Variants in DPP6 observed in about 807,000 individuals in gnomAD.
DPP6 encodes the protein dipeptidyl peptidase like 6.
A neutral mutation model predicts 122.6 loss-of-function variants in DPP6; 69 were observed. The observed-to-expected ratio is 0.56, with a 90% CI of 0.46 to 0.69. DPP6 has a LOEUF of 0.69. DPP6 is among the 30% of genes least tolerant of loss of function. The pLI is 0.00. For synonymous variants in DPP6, 418 were observed against 433.1 expected (o/e 0.97, Z 0.43); for missense variants, 928 against 1,116.9 (o/e 0.83, Z 2.41).
chr7:154,727,978 T>C, intron 8 of DPP6, 91 bp downstream of exon 8: 6 of 1,498,724 alleles, frequency 4.0e-6, no homozygotes, highest in Non-Finnish European at 5.3e-6. Context: ...TCTTTGACTT[T>C]AACTGTAAAT....
intron 1 of DPP6, among the ~76,000 whole-genome samples, chr7:154,260,510 C>T (rs966665354): frequency 2.0e-5 from 3 of 151,846 alleles, no homozygotes; most frequent in Non-Finnish European, 4.4e-5. Context: ...GCCTTTGCAT[C>T]CTCATAGCTT....
chr7:153,784,551 A>G, the DPP6 span, among the ~76,000 whole-genome samples: 1 of 152,210 alleles, frequency 6.6e-6, no homozygotes, highest in South Asian at 2.1e-4. Flanking sequence ...AGTGTGATCA[A>G]ATGGCTTAAT....
chr7:153,840,172 T>A, the DPP6 span, among the ~76,000 whole-genome samples: 2 of 152,212 alleles, frequency 1.3e-5, no homozygotes, highest in Non-Finnish European at 2.9e-5. Context: ...CATTTCAGTG[T>A]GCTTCACTAA....
At chr7:154,318,556 T>C (rs1319168421) in intron 1 of DPP6, among the ~76,000 whole-genome samples, 2 of 152,196 alleles carry the variant, frequency 1.3e-5, no homozygotes, top group African/African-American at 4.8e-5. Context: ...TAAAACTTCT[T>C]GGAAACATAA....
intron 1 of DPP6, among the ~76,000 whole-genome samples, chr7:154,278,570 G>A (rs1804288906): frequency 6.6e-6 from 1 of 152,182 alleles, no homozygotes; most frequent in Non-Finnish European, 1.5e-5. Context: ...AAAAATATTT[G>A]GCTATAGGTG....
At chr7:153,877,519 G>A in the DPP6 span, among the ~76,000 whole-genome samples, 1 of 152,112 alleles carries the variant, frequency 6.6e-6, no homozygotes, top group Non-Finnish European at 1.5e-5. Flanking sequence ...ATGGTGTTAG[G>A]ACAATGATGA....
the DPP6 span, among the ~76,000 whole-genome samples, chr7:153,850,081 T>C: frequency 1.3e-5 from 2 of 152,230 alleles, no homozygotes; most frequent in Admixed American, 6.5e-5. Context: ...TGTTGCCGTA[T>C]AATAATATTG....
At chr7:154,626,410 G>A (rs923515552) in intron 5 of DPP6, among the ~76,000 whole-genome samples, 1 of 152,066 alleles carries the variant, frequency 6.6e-6, no homozygotes, top group Non-Finnish European at 1.5e-5. Flanking sequence ...AGGCATCCTC[G>A]GTTTTAATCA....
intron 1 of DPP6, among the ~76,000 whole-genome samples, chr7:154,399,488 G>A (rs1815381525): frequency 6.6e-6 from 1 of 152,180 alleles, no homozygotes. Flanking sequence ...TTGGAAAGAT[G>A]AAATGAGGCA....
At chr7:154,253,107 G>C (rs1802450204) in intron 1 of DPP6, among the ~76,000 whole-genome samples, 1 of 152,186 alleles carries the variant, frequency 6.6e-6, no homozygotes, top group Non-Finnish European at 1.5e-5. Flanking sequence ...AGGCCAAAGG[G>C]AGTGAGTGAC....
At chr7:153,859,137 GCAATAA>G in the DPP6 span, among the ~76,000 whole-genome samples, 20 of 152,164 alleles carry the variant, frequency 1.3e-4, no homozygotes, top group Admixed American at 1.3e-3. Context: ...CTTCACCTGT[GCAATAA>G]GGGTGTTGGG....
At chr7:154,044,147 A>T (rs559310246) in intron 1 of DPP6, among the ~76,000 whole-genome samples, 8 of 152,324 alleles carry the variant, frequency 5.3e-5, no homozygotes, top group African/African-American at 1.7e-4. Context: ...GCCAATGGGC[A>T]ATTTCGGTGT....
intron 7 of DPP6, among the ~76,000 whole-genome samples, chr7:154,720,017 C>G (rs1454989323): frequency 5.0e-4 from 76 of 152,172 alleles, no homozygotes; most frequent in Non-Finnish European, 7.3e-5. Context: ...AACCTCTCGG[C>G]CTGTAGGATC....
At chr7:154,219,754 T>C (rs936348034) in intron 1 of DPP6, among the ~76,000 whole-genome samples, 4 of 152,018 alleles carry the variant, frequency 2.6e-5, no homozygotes, top group Non-Finnish European at 5.9e-5. Context: ...CCTGGCTAAT[T>C]TTTTGTGTTT....
chr7:154,097,822 G>A (rs1805440916), intron 1 of DPP6, among the ~76,000 whole-genome samples: 1 of 152,192 alleles, frequency 6.6e-6, no homozygotes, highest in Non-Finnish European at 1.5e-5. Flanking sequence ...GGAGGCCTCG[G>A]GTGCTAGCCA....
intron 10 of DPP6, among the ~76,000 whole-genome samples, chr7:154,787,318 G>T (rs746283118): frequency 2.6e-5 from 4 of 152,098 alleles, no homozygotes; most frequent in Admixed American, 6.5e-5. Flanking sequence ...ATTTATTTGG[G>T]TTTTTTTAAA....
intron 4 of DPP6, among the ~76,000 whole-genome samples, chr7:154,555,344 T>C (rs560746309): frequency 7.1e-4 from 108 of 152,238 alleles, no homozygotes; most frequent in African/African-American, 2.4e-3. Flanking sequence ...GAAACCATCA[T>C]TCCCAGCAAA....
At chr7:153,958,978 G>A (rs1243155236) in intron 1 of DPP6, among the ~76,000 whole-genome samples, 3 of 152,054 alleles carry the variant, frequency 2.0e-5, no homozygotes, top group Non-Finnish European at 4.4e-5. Context: ...GGCAGAGCAC[G>A]CCGTTGAGGG....
At chr7:154,753,815 C>G (rs957323620) in intron 8 of DPP6, among the ~76,000 whole-genome samples, 2 of 152,252 alleles carry the variant, frequency 1.3e-5, no homozygotes, top group Middle Eastern at 6.8e-3. Context: ...AAGCGGCATG[C>G]GGACATCTGT....
Sources: gnomAD v4.1 joint callset for allele counts (sites outside exome capture counted in the v4.1 genomes callset) on GRCh38, gnomAD v4.1.1 for gene constraint, MANE v1.5 for transcripts, NCBI Gene and HGNC (gene_info 2026-07-23, HGNC 2026-07-21) for gene names.